The following PHEX variants were observed in gnomAD, a reference collection of about 807,000 sequenced individuals.
PHEX encodes the protein phosphate-regulating neutral endopeptidase PHEX.
PHEX carries 16 observed loss-of-function variants against 68.0 expected under a neutral mutation model. The observed-to-expected ratio is 0.24, with a 90% CI of 0.16 to 0.36. The LOEUF (loss-of-function observed/expected upper bound fraction) is 0.36. Ranked by LOEUF, PHEX falls within the 10% of genes least tolerant of loss-of-function variation. The pLI is 1.00. For synonymous variants in PHEX, 208 were observed against 205.1 expected (o/e 1.01, Z -0.12); for missense variants, 480 against 575.5 (o/e 0.83, Z 1.70).
intron 15 of PHEX, among the ~76,000 whole-genome samples, chrX:22,195,258 A>G (rs961610789): frequency 1.1e-4 from 12 of 112,093 alleles, no homozygotes; most frequent in Non-Finnish European, 2.1e-4. Flanking sequence ...AAACAGCAAA[A>G]TATAAAGATC....
intron 12 of PHEX, among the ~76,000 whole-genome samples, chrX:22,155,343 A>G (rs765273193): frequency 8.9e-6 from 1 of 112,732 alleles, no homozygotes; most frequent in Middle Eastern, 4.2e-3. Flanking sequence ...CTTAAAGGAA[A>G]GAATGACAAC....
chrX:22,225,857 A>ATT (rs1311154747), intron 18 of PHEX, among the ~76,000 whole-genome samples: 1 of 111,674 alleles, frequency 9.0e-6, no homozygotes, highest in South Asian at 3.7e-4. Flanking sequence ...ATTGGGAATA[A>ATT]TTTTTTTTAC....
chrX:22,088,441 G>A (rs1929713550), intron 5 of PHEX, among the ~76,000 whole-genome samples: 2 of 111,300 alleles, frequency 1.8e-5, no homozygotes, highest in African/African-American at 6.5e-5. Flanking sequence ...TAATACATGA[G>A]TGATCCAACT....
At chrX:22,242,405 A>C (rs1488342587) in intron 20 of PHEX, among the ~76,000 whole-genome samples, 1 of 111,891 alleles carries the variant, frequency 8.9e-6, no homozygotes, top group Non-Finnish European at 1.9e-5. Context: ...CCTATTCAAC[A>C]TAGTGTTGGA....
At chrX:22,134,435 A>T (rs1202410986) in intron 12 of PHEX, among the ~76,000 whole-genome samples, 2 of 112,140 alleles carry the variant, frequency 1.8e-5, no homozygotes, top group Non-Finnish European at 3.8e-5. Flanking sequence ...TGCTAAAAAT[A>T]CAAAAAAATT....
intron 11 of PHEX, among the ~76,000 whole-genome samples, chrX:22,117,545 C>T (rs1252493548): frequency 1.8e-5 from 2 of 111,206 alleles, no homozygotes; most frequent in Non-Finnish European, 1.9e-5. Context: ...ATATTATAAT[C>T]TCTGGGAAGG....
At chrX:22,190,605 T>G in intron 15 of PHEX, 103 bp downstream of exon 15, 1 of 609,861 alleles carries the variant, frequency 1.6e-6, no homozygotes, top group Non-Finnish European at 2.9e-6. Flanking sequence ...CCCCCAAAAG[T>G]GGCAGGGTAT....
chrX:22,227,755 A>T, intron 20 of PHEX, 144 bp downstream of exon 20: 1 of 495,427 alleles, frequency 2.0e-6, no homozygotes, highest in Admixed American at 2.8e-5. Flanking sequence ...TTCAGGGTAA[A>T]TCTCATCTTC....
chrX:22,139,507 G>T (rs928311732), intron 12 of PHEX, among the ~76,000 whole-genome samples: 1 of 110,806 alleles, frequency 9.0e-6, no homozygotes, highest in Non-Finnish European at 1.9e-5. Flanking sequence ...TTAAAGTCTC[G>T]CTCTGTTGCC....
At chrX:22,247,132 A>C (rs1290943945) in intron 21 of PHEX, among the ~76,000 whole-genome samples, 1 of 112,397 alleles carries the variant, frequency 8.9e-6, no homozygotes, top group Non-Finnish European at 1.9e-5. Context: ...ATCAGTAATA[A>C]CTAGATACCA....
At chrX:22,080,854 G>A (rs921880414) in intron 5 of PHEX, among the ~76,000 whole-genome samples, 3 of 111,693 alleles carry the variant, frequency 2.7e-5, no homozygotes, top group African/African-American at 9.8e-5. Context: ...CCATGTGTAC[G>A]GAAGGGTGAA....
chrX:22,139,266 C>T (rs952959494), intron 12 of PHEX, among the ~76,000 whole-genome samples: 5 of 111,338 alleles, frequency 4.5e-5, no homozygotes, highest in African/African-American at 1.6e-4. Context: ...GTCCAAACTG[C>T]TGTGCCTCTG....
chrX:22,199,961 G>A (rs990035417), intron 15 of PHEX, among the ~76,000 whole-genome samples: 1 of 111,466 alleles, frequency 9.0e-6, no homozygotes, highest in African/African-American at 3.3e-5. Context: ...GGACAAGAGC[G>A]GGGACTACTG....
At chrX:22,230,592 G>A (rs1341223351) in intron 20 of PHEX, among the ~76,000 whole-genome samples, 1 of 110,243 alleles carries the variant, frequency 9.1e-6, no homozygotes, top group African/African-American at 3.3e-5. Context: ...TGTGATTGGT[G>A]TATAGGAATG....
intron 11 of PHEX, 102 bp from the exon 12 acceptor site, chrX:22,133,421 G>T: frequency 1.7e-6 from 1 of 585,663 alleles, no homozygotes. Context: ...TACTTACCAT[G>T]TTGAGTAAAG....
intron 11 of PHEX, among the ~76,000 whole-genome samples, chrX:22,130,312 G>A (rs1307014311): frequency 9.0e-6 from 1 of 111,350 alleles, no homozygotes; most frequent in Non-Finnish European, 1.9e-5. Flanking sequence ...GACTGAGGCG[G>A]GTGGATCACC....
chrX:22,106,704 A>T lies in PHEX; in HGVS notation c.1080-4763A>T, dbSNP rs147543379. On this transcript the variant is annotated intron_variant, in intron 9 of 21. Coordinates refer to ENST00000379374, the MANE Select transcript of PHEX (RefSeq NM_000444.6). ...CAGGAGGTTACCTTGAGCCTAGGAGATCGAGGCTGTAGTGAGCTGAGATTG... is the reference window on the plus strand; with the variant it reads ...CAGGAGGTTACCTTGAGCCTAGGAGTTCGAGGCTGTAGTGAGCTGAGATTG... 2.7e-3 allele frequency among the ~76,000 whole-genome samples: 285 copies of T among 105,469 alleles called. 1 individual carries two copies. The highest frequency in any genetic ancestry group is 9.3e-3 in the African/African-American group (261 of 28,044). The allele number at this position is 105,469 out of a possible 115,157, so 91.6% of individuals were successfully genotyped here.
intron 5 of PHEX, among the ~76,000 whole-genome samples, chrX:22,084,187 A>G (rs1018191768): frequency 9.0e-6 from 1 of 111,320 alleles, no homozygotes; most frequent in African/African-American, 3.3e-5. Flanking sequence ...TTGAGATGGG[A>G]TCTCACTATG....
At chrX:22,230,143 C>A (rs1602415993) in intron 20 of PHEX, among the ~76,000 whole-genome samples, 1 of 106,418 alleles carries the variant, frequency 9.4e-6, no homozygotes, top group African/African-American at 3.4e-5. Flanking sequence ...TTGGATACTG[C>A]AGTCTTGTAG....
Sources: gnomAD v4.1 joint callset for allele counts (sites outside exome capture counted in the v4.1 genomes callset) on GRCh38, gnomAD v4.1.1 for gene constraint, MANE v1.5 for transcripts, NCBI Gene and HGNC (gene_info 2026-07-23, HGNC 2026-07-21) for gene names.